USP31: variants seen among roughly 807,000 people sequenced by gnomAD.
The protein encoded by USP31 is ubiquitin carboxyl-terminal hydrolase 31.
Under a neutral mutation model 119.4 loss-of-function variants are expected in USP31, and 44 were observed. The ratio of observed to expected loss-of-function variants is 0.37; its 90% CI spans 0.29 to 0.47. The LOEUF (loss-of-function observed/expected upper bound fraction) is 0.47, where lower values mean the gene tolerates loss of function less well. Among genes scored for constraint, USP31 ranks in the 20% least tolerant of loss-of-function variants. USP31 has a pLI of 0.99. For missense variants in USP31, 1,643 were observed against 1,730.2 expected, an observed-to-expected ratio of 0.95 and a Z score of 0.89; for synonymous variants, 749 against 705.6, an observed-to-expected ratio of 1.06 and a Z score of -0.97.
intron 1 of USP31, among the ~76,000 whole-genome samples, chr16:23,132,658 T>C (rs974783507): frequency 3.3e-5 from 5 of 152,186 alleles, no homozygotes; most frequent in African/African-American, 1.2e-4. Context: ...TCTACATGGG[T>C]CACCAAAAAC....
chr16:23,085,731 G>C, intron 9 of USP31, 69 bp from the exon 10 acceptor site: 4 of 1,262,524 alleles, frequency 3.2e-6, no homozygotes, highest in Non-Finnish European at 4.6e-6. Flanking sequence ...TACTTAATGT[G>C]ATTATGTCCT....
chr16:23,124,920 G>T (rs1189627929), intron 1 of USP31, among the ~76,000 whole-genome samples: 1 of 152,058 alleles, frequency 6.6e-6, no homozygotes, highest in African/African-American at 2.4e-5. Flanking sequence ...AAACCCTAGA[G>T]TATCTACGCA....
chr16:23,118,705 C>T, intron 1 of USP31, among the ~76,000 whole-genome samples: 1 of 152,184 alleles, frequency 6.6e-6, no homozygotes, highest in East Asian at 1.9e-4. Context: ...CAATACCTAG[C>T]AAATACAGTG....
chr16:23,101,464 G>A (rs1290348000), intron 6 of USP31, among the ~76,000 whole-genome samples: 2 of 152,148 alleles, frequency 1.3e-5, no homozygotes, highest in Non-Finnish European at 2.9e-5. Flanking sequence ...AAAGAAAAGT[G>A]GAGGCTAGTG....
chr16:23,099,173 C>T (rs1054110522), intron 6 of USP31, among the ~76,000 whole-genome samples: 2 of 152,182 alleles, frequency 1.3e-5, no homozygotes, highest in African/African-American at 4.8e-5. Flanking sequence ...TGAACAGACA[C>T]TTCTCAAAAG....
rs759302235 is a variant in USP31 at position 23,122,699 on chromosome 16, C to G, written c.634-14516G>C. Among the ~76,000 whole-genome samples the G allele has an allele frequency of 4.5e-4, 69 of 152,054 alleles. 1 individual carries two copies. Among genetic ancestry groups the G allele is most frequent in the Admixed American group, 1.4e-3 (22 of 15,248 alleles). On this transcript the variant is annotated intron_variant, in intron 1 of 15. Transcript: ENST00000219689. The stretch of plus-strand genomic sequence containing the variant: ...CATGCTAAGTGAAAGAAGCCAGATG[C>G]AAAAGGCCACATATATGATTCCTTT...
At position 23,085,044 on chromosome 16, in the gene USP31, A is replaced by G. The variant is rs1387233612; in HGVS notation, c.1701-55T>C. 2.5e-6 allele frequency: 4 copies of G among 1,599,102 alleles called. No individual in the cohort carries two copies. In the Admixed American group the frequency reaches 6.7e-5, roughly 27 times the overall value. ...GGAATGTCTTGCAAAACAGAAGGAA[A>G]AATACAATTATGGCTTCATGAAGTG... On this transcript the variant is annotated intron_variant, in intron 10 of 15. Coordinates refer to ENST00000219689, the MANE Select transcript of USP31 (RefSeq NM_020718.4).
chr16:23,130,862 G>C (rs1264634450), intron 1 of USP31, among the ~76,000 whole-genome samples: 1 of 152,190 alleles, frequency 6.6e-6, no homozygotes, highest in Non-Finnish European at 1.5e-5. Context: ...AACACACCCA[G>C]GTCCTTTCAC....
chr16:23,140,959 C>G (rs932243584), intron 1 of USP31, among the ~76,000 whole-genome samples: 1 of 152,222 alleles, frequency 6.6e-6, no homozygotes, highest in African/African-American at 2.4e-5. Context: ...CCTCCCTCCA[C>G]CATCCCTTTT....
At position 23,104,059 on chromosome 16, in the gene USP31, G is replaced by A. The variant is rs141538439; in HGVS notation, c.1089+1382C>T. On this transcript the variant is annotated intron_variant, in intron 5 of 15. Transcript: ENST00000219689. ...AAAAAGCACTGGATTGGGCATGCAG[G>A]TTCTGGTCCGGCCTGTCATCAACCA... Among the ~76,000 whole-genome samples the A allele has an allele frequency of 9.8e-4, 149 of 152,290 alleles. 1 individual carries two copies. The highest frequency in any genetic ancestry group is 3.3e-3 in the African/African-American group (137 of 41,560).
rs1900021675 is a variant in USP31, at chr16:23,065,335, A to AG, written c.*2710_*2711insC. 1.3e-5 allele frequency: 2 copies of AG among 151,598 alleles called. No homozygotes were observed. The highest frequency in any genetic ancestry group is 2.1e-4 in the South Asian group (1 of 4,812). 9.4% of individuals were successfully genotyped at this position (151,598 alleles called of 1,614,324 possible). ...TGCTGGGAAAATTAAAAAAAAAAAAAAAAAGAAAAGAAAGAAAGAAACCAA... is the reference window on the plus strand; with the variant it reads ...TGCTGGGAAAATTAAAAAAAAAAAAAGAAAAGAAAAGAAAGAAAGAAACCAA... On this transcript the variant is annotated 3_prime_UTR_variant, in exon 16 of 16. Coordinates refer to ENST00000219689, the MANE Select transcript of USP31 (RefSeq NM_020718.4).
chr16:23,127,758 G>A (rs1329360557), intron 1 of USP31, among the ~76,000 whole-genome samples: 1 of 151,648 alleles, frequency 6.6e-6, no homozygotes, highest in Non-Finnish European at 1.5e-5. Context: ...GATTACAGGC[G>A]TGAGCCAACG....
chr16:23,126,099 T>TC (rs1476705157), intron 1 of USP31, among the ~76,000 whole-genome samples: 6 of 151,656 alleles, frequency 4.0e-5, no homozygotes, highest in African/African-American at 1.5e-4. Flanking sequence ...GAGGATCACT[T>TC]GAGGCCAGGA....
chr16:23,120,117 A>G (rs1326646114), intron 1 of USP31, among the ~76,000 whole-genome samples: 1 of 152,188 alleles, frequency 6.6e-6, no homozygotes, highest in Non-Finnish European at 1.5e-5. Flanking sequence ...CACAATCTAC[A>G]ATTCAAAACT....
At chr16:23,111,311 G>A (rs746541313) in intron 1 of USP31, among the ~76,000 whole-genome samples, 1 of 152,066 alleles carries the variant, frequency 6.6e-6, no homozygotes, top group Non-Finnish European at 1.5e-5. Context: ...GAATTCAAGT[G>A]GTAGAATCAA....
rs373067934 is a variant in USP31 at position 23,109,542 on chromosome 16, G to A, written c.634-1359C>T. Reference sequence around the variant, plus strand: ...ATTTATATCAATAATCCCCCCTCCAGGAGGTAGAGCTTACCACCCCTACAC... The same window carrying A: ...ATTTATATCAATAATCCCCCCTCCAAGAGGTAGAGCTTACCACCCCTACAC... On this transcript the variant is annotated intron_variant, in intron 1 of 15. Coordinates refer to ENST00000219689, the MANE Select transcript of USP31 (RefSeq NM_020718.4). 2.6e-5 allele frequency among the ~76,000 whole-genome samples: 4 copies of A among 152,256 alleles called. No homozygotes were observed. In the East Asian group the frequency reaches 7.7e-4, roughly 29 times the overall value.
chr16:23,077,701 T>A (rs1481036026), intron 13 of USP31, among the ~76,000 whole-genome samples: 1 of 152,080 alleles, frequency 6.6e-6, no homozygotes, highest in Non-Finnish European at 1.5e-5. Context: ...ACACTGAGTG[T>A]GAAGGATGCA....
chr16:23,097,865 C>A (rs1901681002), intron 6 of USP31, among the ~76,000 whole-genome samples: 1 of 152,194 alleles, frequency 6.6e-6, no homozygotes, highest in South Asian at 2.1e-4. Context: ...CAGCCAATAT[C>A]ATACTGAATG....
intron 6 of USP31, among the ~76,000 whole-genome samples, chr16:23,098,263 C>A (rs1468938455): frequency 1.3e-5 from 2 of 152,136 alleles, no homozygotes; most frequent in African/African-American, 2.4e-5. Context: ...ATCCAACTTA[C>A]AAGGGATGCA....
Sources: allele counts gnomAD v4.1 joint callset (sites outside exome capture counted in the v4.1 genomes callset), GRCh38; gene constraint gnomAD v4.1.1; transcripts MANE v1.5; gene names NCBI Gene and HGNC (gene_info 2026-07-23, HGNC 2026-07-21).